Variants in SGCD observed in about 807,000 individuals in gnomAD.
SGCD encodes delta-sarcoglycan.
A neutral mutation model predicts 36.6 loss-of-function variants in SGCD; 18 were observed. The observed-to-expected ratio is 0.49, with a 90% CI of 0.34 to 0.73. The LOEUF is 0.73. SGCD is among the 30% of genes least tolerant of loss of function. The probability of loss-of-function intolerance (pLI) is 0.01; values close to 1 mark genes in which losing one functional copy is unlikely to be tolerated. For missense variants in SGCD, 387 were observed against 346.7 expected (o/e 1.12, Z -0.92); for synonymous variants, 133 against 130.6 (o/e 1.02, Z -0.12).
At chr5:156,029,587 C>T (rs1759298851) in intron 1 of SGCD, among the ~76,000 whole-genome samples, 1 of 152,088 alleles carries the variant, frequency 6.6e-6, no homozygotes, top group African/African-American at 2.4e-5. Context: ...TATTCGGCTG[C>T]CAATTCAATT....
intron 8 of SGCD, among the ~76,000 whole-genome samples, chr5:156,758,976 A>T (rs890509869): frequency 3.3e-5 from 5 of 152,240 alleles, no homozygotes; most frequent in African/African-American, 1.2e-4. Context: ...TCTGTATGAC[A>T]TTTTTTTGCA....
At chr5:156,012,904 C>G (rs978163540) in intron 1 of SGCD, among the ~76,000 whole-genome samples, 4 of 150,912 alleles carry the variant, frequency 2.7e-5, no homozygotes, top group African/African-American at 9.7e-5. Flanking sequence ...CCGCGCCCAG[C>G]CCACGAAAGC....
chr5:156,609,133 C>A (rs1761645626), intron 6 of SGCD, among the ~76,000 whole-genome samples: 1 of 151,884 alleles, frequency 6.6e-6, no homozygotes, highest in Non-Finnish European at 1.5e-5. Context: ...CAGTTTCTTC[C>A]TAGTCTCGAT....
At chr5:156,176,242 CCCAG>C (rs1763469830) in intron 3 of SGCD, among the ~76,000 whole-genome samples, 1 of 151,974 alleles carries the variant, frequency 6.6e-6, no homozygotes, top group African/African-American at 2.4e-5. Flanking sequence ...TTTTATCAAC[CCCAG>C]CCAGACAAAA....
chr5:156,724,871 C>T (rs571444824), intron 7 of SGCD, among the ~76,000 whole-genome samples: 1 of 152,290 alleles, frequency 6.6e-6, no homozygotes, highest in African/African-American at 2.4e-5. Flanking sequence ...TCTTATATAT[C>T]CTCCAGCTTG....
intron 3 of SGCD, among the ~76,000 whole-genome samples, chr5:156,420,083 A>C (rs1056351209): frequency 2.0e-5 from 3 of 152,038 alleles, no homozygotes; most frequent in Non-Finnish European, 4.4e-5. Context: ...TAGTTTTCTC[A>C]ACCTCTGGCC....
At chr5:156,726,653 C>G (rs1223796261) in intron 7 of SGCD, among the ~76,000 whole-genome samples, 1 of 152,186 alleles carries the variant, frequency 6.6e-6, no homozygotes, top group Non-Finnish European at 1.5e-5. Context: ...TTTTCCATCT[C>G]CTGTTTCTTT....
rs564295243 is a variant in SGCD at position 156,486,491 on chromosome 5, C to A, written c.193-22110C>A. ...GGCCCTGCTGGATGTCCTTTTGAAA[C>A]CTGAGGATCTCCTCTGCCTATCACC... On this transcript the variant is annotated intron_variant, in intron 3 of 8. Coordinates refer to ENST00000337851, the MANE Select transcript of SGCD (RefSeq NM_000337.6). 7.2e-5 allele frequency among the ~76,000 whole-genome samples: 11 copies of A among 152,180 alleles called. No individual in the cohort carries two copies. In the South Asian group the frequency reaches 2.1e-3, roughly 29 times the overall value.
chr5:156,653,628 A>T (rs1344118380), intron 7 of SGCD, among the ~76,000 whole-genome samples: 1 of 151,416 alleles, frequency 6.6e-6, no homozygotes, highest in East Asian at 2.0e-4. Context: ...ATCTCTGACC[A>T]ATTGAAAAGA....
intron 1 of SGCD, among the ~76,000 whole-genome samples, chr5:156,023,203 C>T (rs2163745): frequency 0.83 from 125,772 of 152,232 alleles, 52,540 homozygotes; most frequent in African/African-American, 0.95. Context: ...AGGCACCCAA[C>T]AGGGTGCCTG....
chr5:155,855,046 C>T, the SGCD span, among the ~76,000 whole-genome samples: 4 of 152,162 alleles, frequency 2.6e-5, no homozygotes, highest in African/African-American at 9.7e-5. Context: ...ATTCTTCCCA[C>T]CACTTTCGGT....
chr5:156,690,963 A>G (rs1047224845), intron 7 of SGCD, among the ~76,000 whole-genome samples: 1 of 152,036 alleles, frequency 6.6e-6, no homozygotes, highest in African/African-American at 2.4e-5. Flanking sequence ...TCCCAGCACT[A>G]TGGGAGTCCA....
chr5:156,615,241 T>C (rs182008661), intron 6 of SGCD, among the ~76,000 whole-genome samples: 1 of 152,342 alleles, frequency 6.6e-6, no homozygotes, highest in African/African-American at 2.4e-5. Context: ...ACCAATTTCA[T>C]TGAACAAGGA....
intron 1 of SGCD, among the ~76,000 whole-genome samples, chr5:156,073,952 G>A (rs1760681322): frequency 6.6e-6 from 1 of 152,186 alleles, no homozygotes; most frequent in African/African-American, 2.4e-5. Flanking sequence ...GCCATTTCAT[G>A]GAAGAAGGAC....
At chr5:155,763,502 T>A in the SGCD span, among the ~76,000 whole-genome samples, 2 of 152,164 alleles carry the variant, frequency 1.3e-5, no homozygotes, top group Non-Finnish European at 2.9e-5. Flanking sequence ...TGGGCATTCC[T>A]CTCTCAGGGT....
At chr5:155,872,749 G>A (rs1159613298) in intron 1 of SGCD, among the ~76,000 whole-genome samples, 4 of 152,092 alleles carry the variant, frequency 2.6e-5, no homozygotes, top group Admixed American at 6.6e-5. Flanking sequence ...ACTTTTCCTG[G>A]TCTGTTAGTA....
chr5:156,652,112 T>C (rs1581336504), intron 7 of SGCD, among the ~76,000 whole-genome samples: 1 of 152,248 alleles, frequency 6.6e-6, no homozygotes, highest in East Asian at 1.9e-4. Flanking sequence ...GTACAATGAT[T>C]TTATTTATCT....
chr5:156,438,071 A>T (rs1156785644), intron 3 of SGCD, among the ~76,000 whole-genome samples: 3 of 152,150 alleles, frequency 2.0e-5, no homozygotes, highest in Non-Finnish European at 4.4e-5. Context: ...CACCACACTC[A>T]ATTGGAAATT....
chr5:156,426,373 G>C (rs1045301419), intron 3 of SGCD, among the ~76,000 whole-genome samples: 6 of 151,852 alleles, frequency 4.0e-5, no homozygotes, highest in Admixed American at 6.6e-5. Context: ...TGTATATCTT[G>C]AGAATTGTCT....
Sources: gnomAD v4.1 joint callset for allele counts (sites outside exome capture counted in the v4.1 genomes callset) on GRCh38, gnomAD v4.1.1 for gene constraint, MANE v1.5 for transcripts, NCBI Gene and HGNC (gene_info 2026-07-23, HGNC 2026-07-21) for gene names.